Variants in TTC29 observed in about 807,000 individuals in gnomAD.
TTC29 encodes tetratricopeptide repeat protein 29.
TTC29 carries 49 observed loss-of-function variants against 58.1 expected under a neutral mutation model. The ratio of observed to expected loss-of-function variants is 0.84; its 90% CI spans 0.67 to 1.07. TTC29 has a LOEUF of 1.07. Ranked by LOEUF, TTC29 falls within the 50% of genes least tolerant of loss-of-function variation. The pLI is 0.00. For missense variants in TTC29, 582 were observed against 555.6 expected, an observed-to-expected ratio of 1.05 and a Z score of -0.48; for synonymous variants, 209 against 196.8, an observed-to-expected ratio of 1.06 and a Z score of -0.52.
chr4:146,770,364 G>A (rs1747640924), intron 11 of TTC29, among the ~76,000 whole-genome samples: 1 of 151,776 alleles, frequency 6.6e-6, no homozygotes, highest in Non-Finnish European at 1.5e-5. Flanking sequence ...ACCACACTTA[G>A]TAGTAGGGTC....
At chr4:146,823,176 C>A (rs1751960162) in intron 9 of TTC29, among the ~76,000 whole-genome samples, 2 of 152,136 alleles carry the variant, frequency 1.3e-5, no homozygotes, top group South Asian at 4.1e-4. Flanking sequence ...GACGTCATTG[C>A]CTGTGCCTAT....
chr4:146,826,575 T>G (rs1031445206), intron 9 of TTC29, among the ~76,000 whole-genome samples: 1 of 152,134 alleles, frequency 6.6e-6, no homozygotes, highest in African/African-American at 2.4e-5. Context: ...GAGAATCTGA[T>G]GATCATGTTT....
chr4:146,842,569 C>A (rs1728915604), intron 8 of TTC29, among the ~76,000 whole-genome samples: 2 of 152,040 alleles, frequency 1.3e-5, no homozygotes, highest in Admixed American at 1.3e-4. Context: ...AATAAACCCA[C>A]CTAGATCAAA....
chr4:146,861,307 C>A (rs1309617866), intron 8 of TTC29, among the ~76,000 whole-genome samples: 1 of 152,060 alleles, frequency 6.6e-6, no homozygotes, highest in Non-Finnish European at 1.5e-5. Flanking sequence ...TAATATACCT[C>A]TTAAAATTTG....
At chr4:146,756,563 A>T (rs1746464198) in intron 11 of TTC29, among the ~76,000 whole-genome samples, 1 of 152,132 alleles carries the variant, frequency 6.6e-6, no homozygotes. Context: ...ATGGACAAGT[A>T]GATTTTCAAT....
At chr4:146,859,633 G>T (rs574996594) in intron 8 of TTC29, among the ~76,000 whole-genome samples, 1 of 152,148 alleles carries the variant, frequency 6.6e-6, no homozygotes, top group Non-Finnish European at 1.5e-5. Context: ...TAAGACTGCT[G>T]AAAGAGTCAA....
rs186967963 is a variant in TTC29 at position 146,787,523 on chromosome 4, G to A, written c.1330+15934C>T. On this transcript the variant is annotated intron_variant, in intron 11 of 12. Coordinates refer to ENST00000325106, the MANE Select transcript of TTC29 (RefSeq NM_031956.4). ...CTATTAAGACTCAAATAAGTCTAGC[G>A]TGCTTAGGTTTTCTCCTGTGTTTGC... Among the ~76,000 whole-genome samples the A allele has an allele frequency of 1.2e-4, 18 of 152,260 alleles. No individual in the cohort carries two copies. The East Asian group carries it at 2.3e-3, about 20-fold the overall frequency.
chr4:146,716,413 T>C (rs982127582), intron 11 of TTC29, among the ~76,000 whole-genome samples: 1 of 152,124 alleles, frequency 6.6e-6, no homozygotes, highest in Non-Finnish European at 1.5e-5. Context: ...TTATATGAGA[T>C]AATTTTTTGT....
intron 11 of TTC29, among the ~76,000 whole-genome samples, chr4:146,735,032 TA>T (rs1744615262): frequency 1.3e-5 from 2 of 151,958 alleles, no homozygotes; most frequent in South Asian, 4.1e-4. Context: ...TGCAAACTAA[TA>T]AGAAAAAAGC....
At chr4:146,811,907 T>C (rs1169606612) in intron 10 of TTC29, among the ~76,000 whole-genome samples, 2 of 152,184 alleles carry the variant, frequency 1.3e-5, no homozygotes, top group Non-Finnish European at 2.9e-5. Flanking sequence ...AATGATTCAT[T>C]TCAACCAACT....
intron 9 of TTC29, among the ~76,000 whole-genome samples, chr4:146,833,169 T>G (rs187103909): frequency 1.2e-4 from 18 of 150,956 alleles, no homozygotes; most frequent in African/African-American, 4.4e-4. Context: ...CTGATAACTT[T>G]TCTTATTGTT....
chr4:146,909,467 T>G (rs1329686694), intron 4 of TTC29, among the ~76,000 whole-genome samples: 4 of 152,196 alleles, frequency 2.6e-5, no homozygotes, highest in Non-Finnish European at 5.9e-5. Flanking sequence ...GTAATTTTAA[T>G]GAAATTACAT....
At chr4:146,933,677 A>C (rs1483468622) in intron 4 of TTC29, among the ~76,000 whole-genome samples, 1 of 152,212 alleles carries the variant, frequency 6.6e-6, no homozygotes, top group Non-Finnish European at 1.5e-5. Context: ...TGGAATGTGA[A>C]TACAATGGAT....
intron 5 of TTC29, among the ~76,000 whole-genome samples, chr4:146,904,649 T>A (rs913586035): frequency 1.6e-4 from 24 of 152,194 alleles, no homozygotes; most frequent in Admixed American, 1.3e-4. Flanking sequence ...AGTTGTATTA[T>A]AAAATGCAGT....
intron 6 of TTC29, among the ~76,000 whole-genome samples, chr4:146,878,676 T>C (rs1486940231): frequency 6.6e-6 from 1 of 152,168 alleles, no homozygotes; most frequent in Non-Finnish European, 1.5e-5. Context: ...CATGAATCTC[T>C]TGTGTTAAAA....
At chr4:146,868,463 C>G (rs1730711149) in intron 7 of TTC29, among the ~76,000 whole-genome samples, 1 of 152,002 alleles carries the variant, frequency 6.6e-6, no homozygotes, top group African/African-American at 2.4e-5. Context: ...ATTTGAAATC[C>G]AAACACTTTT....
chr4:146,747,936 G>GGA (rs1474231871), intron 11 of TTC29, among the ~76,000 whole-genome samples: 1 of 152,188 alleles, frequency 6.6e-6, no homozygotes, highest in Admixed American at 6.5e-5. Flanking sequence ...TCTGGGGAGT[G>GGA]GAGTCATTGC....
At chr4:146,938,869 A>C (rs1736093080) in intron 3 of TTC29, among the ~76,000 whole-genome samples, 1 of 152,240 alleles carries the variant, frequency 6.6e-6, no homozygotes, top group African/African-American at 2.4e-5. Context: ...GGTAACTAAT[A>C]TGTATGTTAC....
chr4:146,864,352 A>G (rs1289131177), intron 8 of TTC29, among the ~76,000 whole-genome samples: 1 of 152,110 alleles, frequency 6.6e-6, no homozygotes, highest in East Asian at 1.9e-4. Flanking sequence ...GAATCTGTCT[A>G]ATTCCTTCCA....
Sources: allele counts gnomAD v4.1 joint callset (sites outside exome capture counted in the v4.1 genomes callset), GRCh38; gene constraint gnomAD v4.1.1; transcripts MANE v1.5; gene names NCBI Gene and HGNC (gene_info 2026-07-23, HGNC 2026-07-21).